Variants in SCN11A observed in about 807,000 individuals in gnomAD.
SCN11A encodes the protein sodium voltage-gated channel alpha subunit 11.
Under a neutral mutation model 162.2 loss-of-function variants are expected in SCN11A, and 122 were observed. The ratio of observed to expected loss-of-function variants is 0.75; its 90% CI spans 0.65 to 0.87. The LOEUF is 0.87. Among genes scored for constraint, SCN11A ranks in the 40% least tolerant of loss-of-function variants. The pLI is 0.00. For synonymous variants in SCN11A, 758 were observed against 751.5 expected, an observed-to-expected ratio of 1.01 and a Z score of -0.14; for missense variants, 2,015 against 2,181.6, an observed-to-expected ratio of 0.92 and a Z score of 1.52.
intron 2 of SCN11A, among the ~76,000 whole-genome samples, chr3:39,027,191 A>G (rs2031609605): frequency 6.6e-6 from 1 of 152,252 alleles, no homozygotes; most frequent in East Asian, 1.9e-4. Context: ...GACATTGAAC[A>G]TCCCTGTCTT....
chr3:38,963,658 A>G (rs959599925), intron 2 of SCN11A, among the ~76,000 whole-genome samples: 1 of 151,894 alleles, frequency 6.6e-6, no homozygotes, highest in African/African-American at 2.4e-5. Context: ...TCTCACCGAT[A>G]TGTGGGAGTA....
At chr3:39,039,084 C>T (rs2031976958) in intron 1 of SCN11A, among the ~76,000 whole-genome samples, 1 of 152,196 alleles carries the variant, frequency 6.6e-6, no homozygotes, top group Non-Finnish European at 1.5e-5. Flanking sequence ...CCATAACCTT[C>T]TTCCTCTCTT....
At chr3:38,915,764 G>A (rs2065951780) in intron 11 of SCN11A, among the ~76,000 whole-genome samples, 1 of 152,112 alleles carries the variant, frequency 6.6e-6, no homozygotes, top group Non-Finnish European at 1.5e-5. Context: ...GTGATGAGAA[G>A]AATGTATATT....
intron 11 of SCN11A, 137 bp from the exon 12 acceptor site, chr3:38,910,344 G>A: frequency 1.4e-6 from 1 of 734,186 alleles, no homozygotes; most frequent in Non-Finnish European, 2.2e-6. Context: ...TTGTAAAGTG[G>A]CCCACTGCAC....
At chr3:39,016,187 A>G (rs571064741) in intron 2 of SCN11A, among the ~76,000 whole-genome samples, 1 of 152,298 alleles carries the variant, frequency 6.6e-6, no homozygotes, top group African/African-American at 2.4e-5. Context: ...GTGCCACAGA[A>G]TCTGTCCCAC....
At chr3:38,982,516 G>A (rs564025098) in intron 2 of SCN11A, among the ~76,000 whole-genome samples, 1 of 152,292 alleles carries the variant, frequency 6.6e-6, no homozygotes, top group South Asian at 2.1e-4. Flanking sequence ...GAGCTAATAA[G>A]GCAGGGTGGG....
chr3:39,040,004 G>C (rs1472163037), intron 1 of SCN11A, among the ~76,000 whole-genome samples: 1 of 152,176 alleles, frequency 6.6e-6, no homozygotes, highest in Admixed American at 6.5e-5. Flanking sequence ...CCCCTCTAGA[G>C]GTAGAGACAT....
At chr3:38,880,222 TG>T in intron 22 of SCN11A, 99 bp from the exon 23 acceptor site, 2 of 790,182 alleles carry the variant, frequency 2.5e-6, no homozygotes, top group Non-Finnish European at 2.0e-6. Context: ...GAATAAAAAC[TG>T]GTATCTCTCT....
chr3:38,948,415 C>G lies in SCN11A; in HGVS notation c.268-1508G>C, dbSNP rs145275366. ...ATTAAAATGATAGGTACTAGCTCCT[C>G]CTGCCTGCTTGCTGACACTTCTCTA... On this transcript the variant is annotated intron_variant, in intron 5 of 29. Transcript: ENST00000302328. 1.2e-4 allele frequency among the ~76,000 whole-genome samples: 18 copies of G among 152,360 alleles called. 1 individual carries two copies. Among genetic ancestry groups the G allele is most frequent in the African/African-American group, 4.3e-4 (18 of 41,594 alleles).
intron 5 of SCN11A, among the ~76,000 whole-genome samples, chr3:38,947,974 C>G (rs534534654): frequency 6.6e-6 from 1 of 152,360 alleles, no homozygotes; most frequent in South Asian, 2.1e-4. Context: ...CCAACGTTAG[C>G]ACTGTGAGTG....
intron 2 of SCN11A, among the ~76,000 whole-genome samples, chr3:39,021,752 G>A (rs2031458284): frequency 6.6e-6 from 1 of 152,254 alleles, no homozygotes; most frequent in East Asian, 1.9e-4. Context: ...TTTCCACAAT[G>A]ATACGACTCA....
At chr3:39,018,391 A>G (rs1476094863) in intron 2 of SCN11A, among the ~76,000 whole-genome samples, 2 of 152,152 alleles carry the variant, frequency 1.3e-5, no homozygotes, top group African/African-American at 4.8e-5. Context: ...CCTCAACTCA[A>G]GGAAGCTACT....
intron 2 of SCN11A, among the ~76,000 whole-genome samples, chr3:39,016,688 C>T (rs2031297889): frequency 6.6e-6 from 1 of 152,052 alleles, no homozygotes. Context: ...CTGCAACCTC[C>T]ACCTCCTGGG....
intron 23 of SCN11A, among the ~76,000 whole-genome samples, chr3:38,874,850 G>A (rs2126098969): frequency 6.6e-6 from 1 of 152,234 alleles, no homozygotes; most frequent in Non-Finnish European, 1.5e-5. Context: ...ACTGTAATTA[G>A]AGTATTGTTG....
intron 8 of SCN11A, among the ~76,000 whole-genome samples, 197 bp downstream of exon 8, chr3:38,926,606 G>C (rs913255906): frequency 8.6e-5 from 13 of 151,900 alleles, no homozygotes; most frequent in Admixed American, 3.3e-4. Flanking sequence ...TGTTGACCTA[G>C]AAATGGCTTT....
chr3:38,955,150 T>C (rs888666927), intron 3 of SCN11A, among the ~76,000 whole-genome samples: 1 of 152,096 alleles, frequency 6.6e-6, no homozygotes, highest in Admixed American at 6.5e-5. Flanking sequence ...TAGCTAGGTG[T>C]GGTGGCGTGT....
intron 11 of SCN11A, among the ~76,000 whole-genome samples, chr3:38,911,354 A>G (rs1446369673): frequency 6.6e-6 from 1 of 152,156 alleles, no homozygotes; most frequent in Admixed American, 6.6e-5. Context: ...CTGCTCAGTT[A>G]TTATCCTGTG....
chr3:38,987,367 C>T (rs1258850305), intron 2 of SCN11A, among the ~76,000 whole-genome samples: 2 of 150,096 alleles, frequency 1.3e-5, no homozygotes, highest in African/African-American at 4.9e-5. Context: ...ACAGGATTCA[C>T]TCATCTTGCA....
rs1013763456 is a variant in SCN11A at position 38,871,529 on chromosome 3, T to C, written c.3675A>G (p.Gln1225=). ...INYTIITNKS[Q]CESGNFSWIN... ...TCCAAGAGAAATTGCCACTTTCACA[T>C]TGACTTTTATTTGTAATGATGGTAT... Residue 1225 remains glutamine (Q), a synonymous_variant, in exon 25 of 30, where the codon CAA becomes CAG. Transcript: ENST00000302328. The C allele has an allele frequency of 2.5e-6, 4 of 1,612,712 alleles. No individual in the cohort carries two copies. The highest frequency in any genetic ancestry group is 2.5e-6 in the Non-Finnish European group (3 of 1,179,184).
Sources: allele counts gnomAD v4.1 joint callset (sites outside exome capture counted in the v4.1 genomes callset), GRCh38; gene constraint gnomAD v4.1.1; transcripts MANE v1.5; gene names NCBI Gene and HGNC (gene_info 2026-07-23, HGNC 2026-07-21).